The following SORCS1 variants were observed in gnomAD, a reference collection of about 807,000 sequenced individuals.
SORCS1 encodes sortilin related VPS10 domain containing receptor 1.
In SORCS1, 60 loss-of-function variants were observed where a neutral mutation model predicts 146.1. The observed-to-expected ratio is 0.41, with a 90% CI of 0.33 to 0.51. The LOEUF (loss-of-function observed/expected upper bound fraction) is 0.51. Among genes scored for constraint, SORCS1 ranks in the 20% least tolerant of loss-of-function variants. The probability of loss-of-function intolerance (pLI) is 0.21; values close to 1 mark genes in which losing one functional copy is unlikely to be tolerated. For synonymous variants in SORCS1, 637 were observed against 584.0 expected (o/e 1.09, Z -1.31); for missense variants, 1,352 against 1,487.6 (o/e 0.91, Z 1.50).
intron 3 of SORCS1, among the ~76,000 whole-genome samples, chr10:106,815,643 T>C (rs757192609): frequency 3.9e-5 from 6 of 152,128 alleles, no homozygotes; most frequent in Admixed American, 6.6e-5. Flanking sequence ...TCTCAGTCTA[T>C]ACCACCAAGG....
At chr10:106,617,201 C>T (rs1369433172) in intron 21 of SORCS1, among the ~76,000 whole-genome samples, 2 of 151,960 alleles carry the variant, frequency 1.3e-5, no homozygotes, top group Non-Finnish European at 2.9e-5. Flanking sequence ...GTGACCCACC[C>T]GCCTCGGCCT....
chr10:107,112,102 C>T lies in SORCS1; in HGVS notation c.558+51867G>A, dbSNP rs1397522838. Among the ~76,000 whole-genome samples the T allele has an allele frequency of 2.6e-5, 4 of 151,718 alleles. No individual in the cohort carries two copies. In the East Asian group the frequency reaches 7.7e-4, roughly 29 times the overall value. On this transcript the variant is annotated intron_variant, in intron 1 of 25. Coordinates refer to ENST00000263054, the MANE Select transcript of SORCS1 (RefSeq NM_052918.5). ...AAGTATGTAGTCAAATTCGGAATAT[C>T]CTAATATTATAATGGTGGCTTGCAA...
chr10:106,922,906 T>C (rs1348275893), intron 2 of SORCS1, among the ~76,000 whole-genome samples: 1 of 151,026 alleles, frequency 6.6e-6, no homozygotes, highest in Admixed American at 6.6e-5. Context: ...TTTTTTTTTT[T>C]TGACATGGAG....
At chr10:106,831,293 AATTC>A (rs1164925672) in intron 2 of SORCS1, among the ~76,000 whole-genome samples, 1 of 152,148 alleles carries the variant, frequency 6.6e-6, no homozygotes, top group East Asian at 1.9e-4. Context: ...TTGTTTGTAA[AATTC>A]ATTCATTCAT....
At chr10:106,951,425 G>T (rs1201732875) in intron 2 of SORCS1, among the ~76,000 whole-genome samples, 1 of 151,694 alleles carries the variant, frequency 6.6e-6, no homozygotes, top group African/African-American at 2.4e-5. Context: ...CAAGAGAATG[G>T]CGGGTGAACC....
chr10:107,054,874 G>A (rs1343235208), intron 1 of SORCS1, among the ~76,000 whole-genome samples: 1 of 152,164 alleles, frequency 6.6e-6, no homozygotes, highest in African/African-American at 2.4e-5. Flanking sequence ...TTCCTCCTCA[G>A]GCTTACTAGG....
In SORCS1 at chr10:106,667,655, T is replaced by C. The variant is rs745754433; in HGVS notation, c.2303+34A>G. 16 of 1,473,232 alleles carry C rather than the reference T, an allele frequency of 1.1e-5. No homozygotes were observed. In the Admixed American group the frequency reaches 1.4e-4, roughly 12 times the overall value. The allele number at this position is 1,473,232 out of a possible 1,614,324, so 91.3% of individuals were successfully genotyped here. ...AACACGTGCTGAAAGGCAGCAAAGGTTGGCCTCTCAAGGTCACTACTCCAG... is the reference window on the plus strand; with the variant it reads ...AACACGTGCTGAAAGGCAGCAAAGGCTGGCCTCTCAAGGTCACTACTCCAG... On this transcript the variant is annotated intron_variant, in intron 17 of 25. Transcript: ENST00000263054.
chr10:106,916,198 G>A (rs1020314940), intron 2 of SORCS1, among the ~76,000 whole-genome samples: 1 of 152,012 alleles, frequency 6.6e-6, no homozygotes, highest in African/African-American at 2.4e-5. Context: ...TTATTTTAGT[G>A]CATTCTCTTT....
At chr10:106,941,902 G>T (rs1564834829) in intron 2 of SORCS1, among the ~76,000 whole-genome samples, 1 of 152,182 alleles carries the variant, frequency 6.6e-6, no homozygotes, top group East Asian at 1.9e-4. Context: ...ATAGACAGTT[G>T]CCTGGAGAAA....
chr10:106,830,631 C>T (rs1948502602), intron 2 of SORCS1, among the ~76,000 whole-genome samples: 1 of 148,376 alleles, frequency 6.7e-6, no homozygotes, highest in Admixed American at 6.8e-5. Flanking sequence ...CACAGTGGCT[C>T]ACGCCTGTAA....
At chr10:106,956,483 G>T in intron 2 of SORCS1, 30 bp downstream of exon 2, 1 of 1,603,456 alleles carries the variant, frequency 6.2e-7, no homozygotes, top group East Asian at 2.2e-5. Flanking sequence ...TAAATAACAC[G>T]GTAATTATTA....
chr10:106,630,036 T>A (rs1161916917), intron 18 of SORCS1, among the ~76,000 whole-genome samples: 2 of 152,098 alleles, frequency 1.3e-5, no homozygotes, highest in African/African-American at 4.8e-5. Flanking sequence ...GGAGTGAGAC[T>A]CCGTCTCAGA....
intron 19 of SORCS1, among the ~76,000 whole-genome samples, chr10:106,622,303 A>G (rs1589497747): frequency 6.6e-6 from 1 of 151,752 alleles, no homozygotes; most frequent in African/African-American, 2.4e-5. Flanking sequence ...AAAAAAAAAA[A>G]AAAAAAAAAA....
chr10:106,719,343 A>C (rs899429922), intron 6 of SORCS1, among the ~76,000 whole-genome samples: 9 of 152,070 alleles, frequency 5.9e-5, no homozygotes, highest in Non-Finnish European at 1.3e-4. Context: ...TCTACACGCT[A>C]TAAGATTAAT....
intron 6 of SORCS1, among the ~76,000 whole-genome samples, chr10:106,713,799 G>T (rs1264703149): frequency 6.6e-6 from 1 of 151,986 alleles, no homozygotes; most frequent in Non-Finnish European, 1.5e-5. Context: ...AGTAAGTTTG[G>T]GGCCAATTTT....
chr10:106,627,435 T>C (rs748167216), intron 19 of SORCS1, among the ~76,000 whole-genome samples: 2 of 152,224 alleles, frequency 1.3e-5, no homozygotes, highest in Non-Finnish European at 2.9e-5. Flanking sequence ...TAATATGGTC[T>C]AGGTAGGAGC....
intron 3 of SORCS1, among the ~76,000 whole-genome samples, chr10:106,823,169 G>T (rs893990871): frequency 1.3e-5 from 2 of 152,140 alleles, no homozygotes; most frequent in African/African-American, 4.8e-5. Flanking sequence ...AGATGAAAGA[G>T]TTAAGGTGGA....
intron 19 of SORCS1, among the ~76,000 whole-genome samples, chr10:106,628,591 G>T (rs1848242638): frequency 6.6e-6 from 1 of 152,064 alleles, no homozygotes; most frequent in Non-Finnish European, 1.5e-5. Flanking sequence ...CCCCAATGAG[G>T]GAAAAGCTTT....
At chr10:106,868,735 C>A (rs1311465521) in intron 2 of SORCS1, among the ~76,000 whole-genome samples, 2 of 152,086 alleles carry the variant, frequency 1.3e-5, no homozygotes, top group Non-Finnish European at 2.9e-5. Flanking sequence ...ATGCCCACAT[C>A]AAAAACTTAG....
Sources: allele counts gnomAD v4.1 joint callset (sites outside exome capture counted in the v4.1 genomes callset), GRCh38; gene constraint gnomAD v4.1.1; transcripts MANE v1.5; gene names NCBI Gene and HGNC (gene_info 2026-07-23, HGNC 2026-07-21).